The following LRP8 variants were observed in gnomAD, a reference collection of about 807,000 sequenced individuals.
LRP8 encodes low-density lipoprotein receptor-related protein 8.
A neutral mutation model predicts 111.6 loss-of-function variants in LRP8; 46 were observed. The observed-to-expected ratio is 0.41, with a 90% CI of 0.33 to 0.53. The LOEUF is 0.53. LRP8 is among the 20% of genes least tolerant of loss of function. LRP8 has a pLI of 0.20. For synonymous variants in LRP8, 464 were observed against 511.2 expected, an observed-to-expected ratio of 0.91 and a Z score of 1.24; for missense variants, 959 against 1,297.4, an observed-to-expected ratio of 0.74 and a Z score of 4.01.
At chr1:53,313,224 C>T (rs1398242282) in intron 2 of LRP8, among the ~76,000 whole-genome samples, 1 of 152,226 alleles carries the variant, frequency 6.6e-6, no homozygotes, top group East Asian at 1.9e-4. Context: ...TGTAGATCCT[C>T]CCCAGGTTCT....
At chr1:53,248,276 G>A (rs139890918) in intron 18 of LRP8, among the ~76,000 whole-genome samples, 1 of 152,226 alleles carries the variant, frequency 6.6e-6, no homozygotes, top group African/African-American at 2.4e-5. Flanking sequence ...GAATGCAATG[G>A]CCATCCTCCA....
chr1:53,273,238 G>A (rs904493187), intron 6 of LRP8, among the ~76,000 whole-genome samples: 1 of 152,124 alleles, frequency 6.6e-6, no homozygotes, highest in African/African-American at 2.4e-5. Context: ...TAGTATTTGC[G>A]GCTTCCTTCC....
At chr1:53,322,996 T>C (rs1208496452) in intron 2 of LRP8, among the ~76,000 whole-genome samples, 6 of 152,138 alleles carry the variant, frequency 3.9e-5, no homozygotes, top group Admixed American at 2.0e-4. Flanking sequence ...CAAAGAAGCC[T>C]GAACAAAGTC....
intron 2 of LRP8, among the ~76,000 whole-genome samples, chr1:53,318,256 G>A (rs1300358698): frequency 1.3e-5 from 2 of 149,950 alleles, no homozygotes; most frequent in Non-Finnish European, 3.0e-5. Context: ...TTTTTTTTTG[G>A]TGGGGGTGAA....
intron 15 of LRP8, among the ~76,000 whole-genome samples, chr1:53,256,018 T>C (rs1044391766): frequency 6.6e-6 from 1 of 152,168 alleles, no homozygotes; most frequent in African/African-American, 2.4e-5. Context: ...GCTTGGAAAA[T>C]TTACTGTCTT....
At position 53,245,883 on chromosome 1, in the gene LRP8, T is replaced by C. The variant is rs1645714876; in HGVS notation, c.*1135A>G. The C allele has an allele frequency of 6.6e-6, 1 of 152,648 alleles. No homozygotes were observed. The highest frequency in any genetic ancestry group is 1.5e-5 in the Non-Finnish European group (1 of 68,038). The allele number at this position is 152,648 out of a possible 1,614,324, so 9.5% of individuals were successfully genotyped here. On this transcript the variant is annotated 3_prime_UTR_variant, in exon 19 of 19. Coordinates refer to ENST00000306052, the MANE Select transcript of LRP8 (RefSeq NM_004631.5). ...TCAGTGCCTGGGCCAGTCTCTATAG[T>C]AAACTTGGGCTGATCTGGAAACGTC...
rs12130090 is a variant in LRP8 at position 53,273,001 on chromosome 1, C to T, written c.1007-1655G>A. Among the ~76,000 whole-genome samples the T allele has an allele frequency of 4.1e-3, 623 of 152,332 alleles. 5 individuals are homozygous for T. The highest frequency in any genetic ancestry group is 6.4e-3 in the Non-Finnish European group (433 of 68,034). ...AGGGGGAAGGGGAAAGGAGAGAACT[C>T]AAAGTGACTGGCTTCTGATGAAGGA... On this transcript the variant is annotated intron_variant, in intron 6 of 18. Transcript: ENST00000306052.
intron 18 of LRP8, among the ~76,000 whole-genome samples, chr1:53,248,173 A>T (rs1645785431): frequency 6.6e-6 from 1 of 152,224 alleles, no homozygotes; most frequent in Admixed American, 6.5e-5. Context: ...ATAGAATCAG[A>T]CTAGTATCTC....
chr1:53,297,735 G>A (rs1650025451), intron 2 of LRP8, among the ~76,000 whole-genome samples: 1 of 152,184 alleles, frequency 6.6e-6, no homozygotes, highest in South Asian at 2.1e-4. Flanking sequence ...AAAATTTTCT[G>A]GGTTCTCTCC....
At chr1:53,301,829 A>G (rs1162706555) in intron 2 of LRP8, among the ~76,000 whole-genome samples, 1 of 152,202 alleles carries the variant, frequency 6.6e-6, no homozygotes, top group African/African-American at 2.4e-5. Context: ...AGCAAAGGAA[A>G]AAGTGAGAGG....
At chr1:53,287,747 C>A (rs1647815183) in intron 3 of LRP8, among the ~76,000 whole-genome samples, 2 of 152,212 alleles carry the variant, frequency 1.3e-5, no homozygotes, top group East Asian at 3.9e-4. Flanking sequence ...AGGAATGAGG[C>A]AGGAGGGCCC....
Position 53,311,919 on chromosome 1 carries a change from C to T in LRP8, c.244+14954G>A, listed in dbSNP as rs74497127. ...CCACCTCCCAAGGGCCACCATGAGC[C>T]TGGAGGCAACATGTGGGAAGGGCCT... On this transcript the variant is annotated intron_variant, in intron 2 of 18. Transcript: ENST00000306052. Among the ~76,000 whole-genome samples the T allele has an allele frequency of 3.4e-3, 516 of 152,338 alleles. 5 individuals are homozygous for T. Among genetic ancestry groups the T allele is most frequent in the African/African-American group, 0.012 (500 of 41,580 alleles).
intron 2 of LRP8, among the ~76,000 whole-genome samples, chr1:53,323,692 A>T (rs1186284509): frequency 6.6e-6 from 1 of 152,258 alleles, no homozygotes; most frequent in African/African-American, 2.4e-5. Context: ...CAAAGAGCCA[A>T]GTCCCAGCCA....
At position 53,250,549 on chromosome 1, in the gene LRP8, CGGAAGGAAAGGAGGGAGGGAA is replaced by C; in HGVS notation, c.2676+120_2676+140del. The C allele has an allele frequency of 1.5e-6, 1 of 646,634 alleles. No individual in the cohort carries two copies. The allele number at this position is 646,634 out of a possible 1,614,324, so 40.1% of individuals were successfully genotyped here. On this transcript the variant is annotated intron_variant, in intron 17 of 18. Transcript: ENST00000306052. This position sits in a 1 kb window ranked among gnomAD's most constrained non-coding sequence, Gnocchi z 4.6. ...AAAAAGACAGGGAGGGAGGGAAGGA[CGGAAGGAAAGGAGGGAGGGAA>C]GGACGGAAGGAAGGAAGGGAGGGAA...
In LRP8 at chr1:53,244,244, G is replaced by A. The variant is rs973108401; in HGVS notation, c.*2774C>T. 57 of 152,212 alleles carry A rather than the reference G, an allele frequency of 3.7e-4. No homozygotes were observed. The highest frequency in any genetic ancestry group is 1.3e-3 in the African/African-American group (55 of 41,442). 9.4% of individuals were successfully genotyped at this position (152,212 alleles called of 1,614,324 possible). On this transcript the variant is annotated 3_prime_UTR_variant, in exon 19 of 19. Coordinates refer to ENST00000306052, the MANE Select transcript of LRP8 (RefSeq NM_004631.5). The stretch of plus-strand genomic sequence containing the variant: ...GGTAGCAGGTTTGATACAATGTTCA[G>A]GCAGCCCAAAATAGTCTTCCTGCAG...
In LRP8 at chr1:53,243,946, T is replaced by G. The variant is rs1645683440; in HGVS notation, c.*3072A>C. ...GTGTGACTGACCTTTACATCTGCAG[T>G]GCCAGGTGTGTAGTTGGTATCTAGT... On this transcript the variant is annotated 3_prime_UTR_variant, in exon 19 of 19. Transcript: ENST00000306052. The G allele has an allele frequency of 1.3e-5, 2 of 152,218 alleles. No individual in the cohort carries two copies. Among genetic ancestry groups the G allele is most frequent in the Non-Finnish European group, 2.9e-5 (2 of 68,030 alleles). 9.4% of individuals were successfully genotyped at this position (152,218 alleles called of 1,614,324 possible). A position where few individuals can be genotyped will look rare whatever the true frequency, so the allele number is the denominator to read the frequency against.
intron 15 of LRP8, among the ~76,000 whole-genome samples, chr1:53,255,891 TA>T (rs1646068957): frequency 2.0e-5 from 3 of 152,196 alleles, no homozygotes; most frequent in Non-Finnish European, 2.9e-5. Context: ...CTAAAATGAA[TA>T]TAAAATGCTT....
intron 2 of LRP8, among the ~76,000 whole-genome samples, chr1:53,309,632 G>A (rs1470135158): frequency 1.3e-5 from 2 of 152,146 alleles, no homozygotes; most frequent in Admixed American, 1.3e-4. Flanking sequence ...CTTGGACAGT[G>A]GGCATCTCGT....
rs757705637 is a variant in LRP8, at chr1:53,327,820, C to T, written c.93G>A (p.Ala31=). Residue 31 remains alanine (A), a synonymous_variant, in exon 1 of 19, where the codon GCG becomes GCA. Coordinates refer to ENST00000306052, the MANE Select transcript of LRP8 (RefSeq NM_004631.5). ...LLLLQLQHLA[A]AAADPLLGGQ... is the part of the protein sequence containing the mutation. ...CGCCGAGCAGCGGATCAGCCGCTGCCGCCGCAAGATGCTGGAGCTGCAGCA... is the reference window on the plus strand; with the variant it reads ...CGCCGAGCAGCGGATCAGCCGCTGCTGCCGCAAGATGCTGGAGCTGCAGCA... 1.3e-5 allele frequency: 19 copies of T among 1,511,302 alleles called. No homozygotes were observed. Among genetic ancestry groups the T allele is most frequent in the Non-Finnish European group, 1.7e-5 (19 of 1,135,906 alleles). 93.6% of individuals were successfully genotyped at this position (1,511,302 alleles called of 1,614,324 possible).
Sources: allele counts gnomAD v4.1 joint callset (sites outside exome capture counted in the v4.1 genomes callset), GRCh38; gene constraint gnomAD v4.1.1; non-coding constraint Gnocchi (gnomAD v3.1); transcripts MANE v1.5; gene names NCBI Gene and HGNC (gene_info 2026-07-23, HGNC 2026-07-21).